INPP4B: variants seen among roughly 807,000 people sequenced by gnomAD.
INPP4B encodes inositol polyphosphate-4-phosphatase type II B.
A neutral mutation model predicts 122.5 loss-of-function variants in INPP4B; 55 were observed. The ratio of observed to expected loss-of-function variants is 0.45; its 90% CI spans 0.36 to 0.56. INPP4B has a LOEUF of 0.56. Among genes scored for constraint, INPP4B ranks in the 20% least tolerant of loss-of-function variants. The pLI is 0.00. For missense variants in INPP4B, 1,000 were observed against 1,097.7 expected (o/e 0.91, Z 1.26); for synonymous variants, 403 against 388.7 (o/e 1.04, Z -0.43).
intron 18 of INPP4B, among the ~76,000 whole-genome samples, chr4:142,145,073 T>C (rs1184394760): frequency 6.6e-6 from 1 of 152,134 alleles, no homozygotes; most frequent in African/African-American, 2.4e-5. Flanking sequence ...TTTGCCTTGG[T>C]TTTTGTGTCA....
intron 15 of INPP4B, among the ~76,000 whole-genome samples, chr4:142,184,518 G>A (rs1468476254): frequency 3.3e-5 from 5 of 152,072 alleles, no homozygotes; most frequent in Admixed American, 3.3e-4. Context: ...CATAGTCATT[G>A]GTTCTTCCCT....
intron 7 of INPP4B, among the ~76,000 whole-genome samples, chr4:142,360,342 CTTTGTT>C (rs1188866680): frequency 6.6e-6 from 1 of 151,868 alleles, no homozygotes; most frequent in African/African-American, 2.4e-5. Flanking sequence ...TTATTTAGTA[CTTTGTT>C]TTGTTCCAGA....
At chr4:142,052,981 C>T (rs769080356) in intron 25 of INPP4B, among the ~76,000 whole-genome samples, 1 of 151,938 alleles carries the variant, frequency 6.6e-6, no homozygotes, top group Non-Finnish European at 1.5e-5. Flanking sequence ...GGAAATGATA[C>T]CCAAATCAAT....
At position 142,626,467 on chromosome 4, in the gene INPP4B, C is replaced by T. The variant is rs114564759; in HGVS notation, c.-191+99372G>A. Among the ~76,000 whole-genome samples the T allele has an allele frequency of 7.9e-3, 1,206 of 152,036 alleles. 11 individuals carry two copies. The highest frequency in any genetic ancestry group is 0.026 in the African/African-American group (1,062 of 41,492). ...AGCCACAGGAGGCTGAGATCAACCC[C>T]CAGCCAACAGCCCACAAAAAAGCAG... is the stretch of plus-strand genomic sequence containing the variant. On this transcript the variant is annotated intron_variant, in intron 2 of 25. Coordinates refer to ENST00000262992, the MANE Select transcript of INPP4B (RefSeq NM_001101669.3).
At chr4:142,037,886 A>C (rs1744954278) in intron 25 of INPP4B, among the ~76,000 whole-genome samples, 2 of 152,196 alleles carry the variant, frequency 1.3e-5, no homozygotes, top group Admixed American at 6.5e-5. Flanking sequence ...AGATGTAAAA[A>C]TGGCTTTAAA....
intron 15 of INPP4B, among the ~76,000 whole-genome samples, chr4:142,184,631 T>G (rs997766521): frequency 1.1e-4 from 17 of 152,198 alleles, no homozygotes; most frequent in African/African-American, 3.9e-4. Context: ...GATACTGTGG[T>G]AAACTGGACA....
chr4:142,741,625 T>C (rs2150920036), intron 1 of INPP4B, among the ~76,000 whole-genome samples: 1 of 152,134 alleles, frequency 6.6e-6, no homozygotes, highest in East Asian at 1.9e-4. Flanking sequence ...AATTAAAAAT[T>C]AAATAAATAA....
chr4:142,451,321 A>G (rs9308151), intron 3 of INPP4B, among the ~76,000 whole-genome samples: 48,439 of 144,048 alleles, frequency 0.34, 10,425 homozygotes, highest in African/African-American at 0.6. Context: ...CATGATCACG[A>G]CTCACTGCAA....
intron 10 of INPP4B, among the ~76,000 whole-genome samples, chr4:142,263,680 A>ATATATG (rs61694410): frequency 0.067 from 5,492 of 81,656 alleles, 1,085 homozygotes; most frequent in East Asian, 0.094. Context: ...ATATATATAT[A>ATATATG]ACATTGAACA....
chr4:142,050,818 G>C (rs1055243965), intron 25 of INPP4B, among the ~76,000 whole-genome samples: 1 of 151,918 alleles, frequency 6.6e-6, no homozygotes, highest in Non-Finnish European at 1.5e-5. Context: ...CTCCAGGATG[G>C]ACCACCATGG....
intron 2 of INPP4B, among the ~76,000 whole-genome samples, chr4:142,482,327 C>A (rs968821750): frequency 6.6e-6 from 1 of 152,106 alleles, no homozygotes; most frequent in African/African-American, 2.4e-5. Flanking sequence ...ACACAGGAAG[C>A]CTATCTGTCT....
At chr4:142,521,785 A>C (rs1371498998) in intron 2 of INPP4B, among the ~76,000 whole-genome samples, 2 of 152,128 alleles carry the variant, frequency 1.3e-5, no homozygotes, top group Admixed American at 1.3e-4. Flanking sequence ...CACATTGTGA[A>C]TTAACTAGTC....
intron 2 of INPP4B, among the ~76,000 whole-genome samples, chr4:142,469,696 G>T (rs1255544285): frequency 6.6e-6 from 1 of 152,102 alleles, no homozygotes; most frequent in Non-Finnish European, 1.5e-5. Flanking sequence ...TTATGCATTT[G>T]CTCATTCAAC....
intron 10 of INPP4B, among the ~76,000 whole-genome samples, chr4:142,261,705 A>C (rs1740117229): frequency 1.3e-5 from 2 of 152,042 alleles, no homozygotes; most frequent in South Asian, 4.2e-4. Context: ...AATCATGTAC[A>C]CTGAGGTCAC....
At chr4:142,776,449 A>G (rs1348818917) in intron 1 of INPP4B, among the ~76,000 whole-genome samples, 1 of 152,176 alleles carries the variant, frequency 6.6e-6, no homozygotes, top group Non-Finnish European at 1.5e-5. Context: ...TTGAGGATAT[A>G]GTGGGAAGCA....
intron 2 of INPP4B, among the ~76,000 whole-genome samples, chr4:142,620,612 T>C (rs1744702149): frequency 6.6e-6 from 1 of 151,932 alleles, no homozygotes. Context: ...TGACATGCAA[T>C]TTATCTGCAG....
chr4:142,808,410 G>A, intron 1 of INPP4B, among the ~76,000 whole-genome samples: 1 of 152,130 alleles, frequency 6.6e-6, no homozygotes, highest in East Asian at 1.9e-4. Flanking sequence ...TATAATACCT[G>A]TTTCAAGACT....
intron 7 of INPP4B, among the ~76,000 whole-genome samples, chr4:142,316,417 T>G (rs1316952875): frequency 6.6e-6 from 1 of 152,206 alleles, no homozygotes; most frequent in Non-Finnish European, 1.5e-5. Context: ...ATGTATTGTG[T>G]GTGCATGGAT....
chr4:142,229,653 G>A (rs1330170160), intron 12 of INPP4B, among the ~76,000 whole-genome samples: 1 of 152,152 alleles, frequency 6.6e-6, no homozygotes, highest in African/African-American at 2.4e-5. Flanking sequence ...CAGATGCAAG[G>A]AAGTACAAAT....
Sources: gnomAD v4.1 joint callset for allele counts (sites outside exome capture counted in the v4.1 genomes callset) on GRCh38, gnomAD v4.1.1 for gene constraint, MANE v1.5 for transcripts, NCBI Gene and HGNC (gene_info 2026-07-23, HGNC 2026-07-21) for gene names.